UST: variants seen among roughly 807,000 people sequenced by gnomAD.
The protein encoded by UST is uronyl 2-sulfotransferase, also known as chondroitin sulfate 2-O-sulfotransferase.
Under a neutral mutation model 45.6 loss-of-function variants are expected in UST, and 21 were observed. The ratio of observed to expected loss-of-function variants is 0.46; its 90% CI spans 0.33 to 0.66. The LOEUF (loss-of-function observed/expected upper bound fraction) is 0.66. UST is among the 30% of genes least tolerant of loss of function. UST has a pLI of 0.02. For missense variants in UST, 463 were observed against 512.4 expected, an observed-to-expected ratio of 0.90 and a Z score of 0.93; for synonymous variants, 215 against 200.6, an observed-to-expected ratio of 1.07 and a Z score of -0.61.
intron 1 of UST, among the ~76,000 whole-genome samples, chr6:148,793,200 AG>A (rs1368924197): frequency 6.6e-6 from 1 of 152,110 alleles, no homozygotes; most frequent in Non-Finnish European, 1.5e-5. Flanking sequence ...CTGGGTGAAG[AG>A]ATTATGAGCA....
intron 2 of UST, among the ~76,000 whole-genome samples, chr6:148,927,021 A>G (rs1297521714): frequency 1.3e-5 from 2 of 152,186 alleles, no homozygotes; most frequent in Non-Finnish European, 2.9e-5. Context: ...ATAATGGGGT[A>G]TATTTACCTT....
intron 1 of UST, among the ~76,000 whole-genome samples, chr6:148,750,737 G>T (rs994319645): frequency 9.2e-5 from 14 of 152,158 alleles, no homozygotes; most frequent in Non-Finnish European, 1.9e-4. Flanking sequence ...AGCAGAGAAG[G>T]GAAATAATTC....
intron 2 of UST, among the ~76,000 whole-genome samples, chr6:148,914,756 A>C (rs2114884860): frequency 6.6e-6 from 1 of 152,340 alleles, no homozygotes; most frequent in East Asian, 1.9e-4. Context: ...GACCAGTACC[A>C]GTCCATAGCC....
intron 1 of UST, among the ~76,000 whole-genome samples, chr6:148,872,529 A>G (rs1057275300): frequency 1.4e-5 from 2 of 144,608 alleles, no homozygotes; most frequent in African/African-American, 5.8e-5. Context: ...AATTTTGCTC[A>G]TAGAAAGAAG....
intron 5 of UST, among the ~76,000 whole-genome samples, chr6:148,970,252 G>C (rs1780887821): frequency 6.6e-6 from 1 of 152,150 alleles, no homozygotes; most frequent in African/African-American, 2.4e-5. Flanking sequence ...CCAACAAAGG[G>C]ATTTTGGAGC....
chr6:148,990,296 G>T (rs2114991383), intron 5 of UST: 1 of 691,328 alleles, frequency 1.4e-6, no homozygotes, highest in East Asian at 1.3e-4. Flanking sequence ...AACAGGAACT[G>T]GTTTTATAAT....
chr6:148,797,713 A>G (rs1466895585), intron 1 of UST, among the ~76,000 whole-genome samples: 1 of 152,178 alleles, frequency 6.6e-6, no homozygotes, highest in Admixed American at 6.5e-5. Flanking sequence ...TGATATTTGC[A>G]TTGAGTTTTG....
At chr6:148,976,529 T>TA (rs2114974407) in intron 5 of UST, among the ~76,000 whole-genome samples, 1 of 152,346 alleles carries the variant, frequency 6.6e-6, no homozygotes, top group East Asian at 1.9e-4. Context: ...TGTGCATCAT[T>TA]CAATTCCTCC....
chr6:148,894,796 A>G (rs1779087403), intron 2 of UST, among the ~76,000 whole-genome samples: 1 of 148,402 alleles, frequency 6.7e-6, no homozygotes, highest in Non-Finnish European at 1.5e-5. Context: ...TTAGAAGCTT[A>G]TCAGGATAAT....
chr6:148,749,440 A>G (rs1413190334), intron 1 of UST, among the ~76,000 whole-genome samples: 2 of 151,968 alleles, frequency 1.3e-5, no homozygotes, highest in African/African-American at 2.4e-5. Context: ...GAAAAGTGTA[A>G]TGGACCAGGA....
At chr6:148,959,230 A>T (rs1780594542) in intron 4 of UST, among the ~76,000 whole-genome samples, 1 of 152,242 alleles carries the variant, frequency 6.6e-6, no homozygotes, top group South Asian at 2.1e-4. Context: ...GCATTATTTA[A>T]CAAAACAAAT....
intron 1 of UST, among the ~76,000 whole-genome samples, chr6:148,794,617 A>G (rs1285349614): frequency 6.6e-6 from 1 of 152,220 alleles, no homozygotes; most frequent in Non-Finnish European, 1.5e-5. Context: ...CCCTACTGCC[A>G]GAAAATTTAG....
At chr6:149,042,460 C>T (rs1287350260) in intron 7 of UST, among the ~76,000 whole-genome samples, 1 of 152,146 alleles carries the variant, frequency 6.6e-6, no homozygotes, top group Non-Finnish European at 1.5e-5. Flanking sequence ...GTGAGAAACC[C>T]TATTTGTGGG....
chr6:149,003,155 T>C lies in UST; in HGVS notation c.682-15984T>C, dbSNP rs74426595. 8.0e-3 allele frequency among the ~76,000 whole-genome samples: 1,220 copies of C among 152,336 alleles called. 23 individuals are homozygous for C. The highest frequency in any genetic ancestry group is 0.026 in the African/African-American group (1,095 of 41,578). On this transcript the variant is annotated intron_variant, in intron 5 of 7. Coordinates refer to ENST00000367463, the MANE Select transcript of UST (RefSeq NM_005715.3). ...TGCAGTAGACCATATCGTGGCATGA[T>C]AGAACTATGGCCAATGGAACTATGC...
At chr6:149,073,779 C>A in intron 7 of UST, 54 bp from the exon 8 acceptor site, 1 of 1,576,536 alleles carries the variant, frequency 6.3e-7, no homozygotes, top group South Asian at 1.2e-5. Flanking sequence ...TCGCCGGGAT[C>A]CCTTCTAAGC....
At chr6:149,019,295 C>A in intron 6 of UST, 59 bp downstream of exon 6, 1 of 1,305,198 alleles carries the variant, frequency 7.7e-7, no homozygotes. Flanking sequence ...AAGAACCCCA[C>A]CAGCCTGGTA....
chr6:148,993,246 A>C (rs934008093), intron 5 of UST, among the ~76,000 whole-genome samples: 4 of 152,164 alleles, frequency 2.6e-5, no homozygotes, highest in African/African-American at 9.7e-5. Flanking sequence ...TCATCAGCTA[A>C]ATACACAATC....
chr6:148,805,486 C>T (rs1777130705), intron 1 of UST, among the ~76,000 whole-genome samples: 1 of 152,038 alleles, frequency 6.6e-6, no homozygotes, highest in South Asian at 2.1e-4. Context: ...AAAGGCATGA[C>T]ATAAAAAGGG....
intron 5 of UST, chr6:149,005,620 T>C: frequency 1.0e-6 from 1 of 984,766 alleles, no homozygotes; most frequent in Non-Finnish European, 1.2e-6. Flanking sequence ...TCTCCCTCCC[T>C]CTCTCCACCA....
Sources: allele counts gnomAD v4.1 joint callset (sites outside exome capture counted in the v4.1 genomes callset), GRCh38; gene constraint gnomAD v4.1.1; transcripts MANE v1.5; gene names NCBI Gene and HGNC (gene_info 2026-07-23, HGNC 2026-07-21).